Variants in NMT2 observed in about 807,000 individuals in gnomAD.
NMT2 encodes N-myristoyltransferase 2.
In NMT2, 35 loss-of-function variants were observed where a neutral mutation model predicts 65.4. The observed-to-expected ratio is 0.54, with a 90% confidence interval of 0.41 to 0.71. The LOEUF (loss-of-function observed/expected upper bound fraction) is 0.71. Ranked by LOEUF, NMT2 falls within the 30% of genes least tolerant of loss-of-function variation. The probability of loss-of-function intolerance (pLI) is 0.00; values close to 1 mark genes in which losing one functional copy is unlikely to be tolerated. For missense variants in NMT2, 489 were observed against 611.3 expected, an observed-to-expected ratio of 0.80 and a Z score of 2.11; for synonymous variants, 226 against 231.8, an observed-to-expected ratio of 0.98 and a Z score of 0.23.
chr10:15,151,842 T>C (rs145142955), intron 1 of NMT2, among the ~76,000 whole-genome samples: 3,408 of 151,884 alleles, frequency 0.022, 46 homozygotes, highest in Middle Eastern at 0.037. Context: ...CTGGCCAACA[T>C]GGTGAAACCC....
Position 15,133,381 on chromosome 10 carries a change from G to A in NMT2, c.392-18C>T, listed in dbSNP as rs749824117. On this transcript the variant is annotated intron_variant, in intron 3 of 11. Transcript: ENST00000378165. The stretch of plus-strand genomic sequence containing the variant: ...GACTTCATCTGAACAGGGAGAGAAA[G>A]AGAAAAAAGAAAGGCAAAAAGCGAG... 2 of 1,565,176 alleles carry A rather than the reference G, an allele frequency of 1.3e-6. No individual in the cohort carries two copies. Among genetic ancestry groups the A allele is most frequent in the Non-Finnish European group, 1.8e-6 (2 of 1,136,038 alleles).
chr10:15,141,614 A>G, intron 1 of NMT2, 57 bp from the exon 2 acceptor site: 2 of 1,535,140 alleles, frequency 1.3e-6, no homozygotes, highest in African/African-American at 1.4e-5. Context: ...ATTAAATGAA[A>G]TTGAATTGCA....
At chr10:15,145,834 G>T (rs77143051) in intron 1 of NMT2, among the ~76,000 whole-genome samples, 13,389 of 152,222 alleles carry the variant, frequency 0.088, 733 homozygotes, top group Middle Eastern at 0.23. Flanking sequence ...TTAGCCAGGG[G>T]TCTGCGTCCC....
At chr10:15,155,209 G>C (rs761934534) in intron 1 of NMT2, 14 of 1,532,644 alleles carry the variant, frequency 9.1e-6, no homozygotes, top group Middle Eastern at 1.7e-4. Context: ...CCAGTGCTCA[G>C]AGCACGAAAG....
Position 15,109,724 on chromosome 10 carries a change from C to T in NMT2, c.1454G>A (p.Cys485Tyr). 2.5e-6 allele frequency: 4 copies of T among 1,611,492 alleles called. No individual in the cohort carries two copies. Among genetic ancestry groups the T allele is most frequent in the East Asian group, 2.2e-5 (1 of 44,760 alleles). ...NLQYYLYNWR[C>Y]PGTDSEKVGL... is the part of the protein sequence containing the mutation. Reference sequence around the variant, plus strand: ...TACCTTTTCAGAATCTGTACCTGGACACCTCCAATTGTACAGGTAATACTG... The same window carrying T: ...TACCTTTTCAGAATCTGTACCTGGATACCTCCAATTGTACAGGTAATACTG... Residue 485 changes from cysteine (C) to tyrosine (Y), a missense_variant, in exon 11 of 12, where the codon TGT (cysteine) becomes TAT (tyrosine). Coordinates refer to ENST00000378165, the MANE Select transcript of NMT2 (RefSeq NM_004808.3).
chr10:15,163,049 G>A (rs944422502), intron 1 of NMT2, among the ~76,000 whole-genome samples: 4 of 151,876 alleles, frequency 2.6e-5, no homozygotes, highest in Admixed American at 6.6e-5. Context: ...CCAAGTAGCT[G>A]GAACTATACG....
chr10:15,142,438 T>G (rs1846809130), intron 1 of NMT2, among the ~76,000 whole-genome samples: 1 of 152,030 alleles, frequency 6.6e-6, no homozygotes, highest in African/African-American at 2.4e-5. Context: ...GGCACGCACT[T>G]GTAGTCCCAG....
At chr10:15,123,167 T>G (rs148818674) in intron 8 of NMT2, among the ~76,000 whole-genome samples, 5 of 152,122 alleles carry the variant, frequency 3.3e-5, no homozygotes, top group Non-Finnish European at 5.9e-5. Context: ...CACACCAGGA[T>G]GTACCAGCTA....
intron 2 of NMT2, among the ~76,000 whole-genome samples, chr10:15,137,449 G>C (rs978047334): frequency 6.6e-5 from 10 of 151,950 alleles, no homozygotes; most frequent in African/African-American, 1.9e-4. Flanking sequence ...TTATATCTTT[G>C]GATGACTTCT....
At chr10:15,131,325 T>C (rs1412963488) in intron 6 of NMT2, among the ~76,000 whole-genome samples, 5 of 151,786 alleles carry the variant, frequency 3.3e-5, no homozygotes, top group Non-Finnish European at 5.9e-5. Context: ...TTTTTTTTTT[T>C]TCCTTTTTTG....
chr10:15,119,431 T>A lies in NMT2; in HGVS notation c.1082A>T (p.Gln361Leu). The change falls in exon 9 of 12, where the codon CAG (glutamine) becomes CTG (leucine). Residue 361 changes from glutamine to leucine, a missense_variant. Transcript: ENST00000378165. Reference protein sequence around the residue: ...VRELINTYLKQFHLAPVMDEE... With the variant: ...VRELINTYLKLFHLAPVMDEE... The stretch of plus-strand genomic sequence containing the variant: ...ATCCATCACTGGAGCCAGATGAAAC[T>A]GCTTCAGGTAAGTGTTGATTAATTC... 1.2e-6 allele frequency: 2 copies of A among 1,614,078 alleles called. No homozygotes were observed. Among genetic ancestry groups the A allele is most frequent in the East Asian group, 4.5e-5 (2 of 44,878 alleles).
intron 1 of NMT2, among the ~76,000 whole-genome samples, chr10:15,164,540 T>C (rs1833313511): frequency 6.6e-6 from 1 of 152,204 alleles, no homozygotes; most frequent in African/African-American, 2.4e-5. Flanking sequence ...CCAAATGTAT[T>C]TCATAACTGG....
At position 15,135,307 on chromosome 10, in the gene NMT2, G is replaced by T. The variant is rs1275257581; in HGVS notation, c.358C>A (p.Gln120Lys). The T allele has an allele frequency of 6.2e-7, 1 of 1,613,996 alleles. No homozygotes were observed. The highest frequency in any genetic ancestry group is 1.7e-5 in the Admixed American group (1 of 59,996). The change falls in exon 3 of 12, where the codon CAG (glutamine) becomes AAG (lysine). Residue 120 changes from glutamine (Q) to lysine (K), a missense_variant. Gln to Lys is a moderately conservative substitution (Grantham distance 53, BLOSUM62 1). Transcript: ENST00000378165. Reference sequence around the variant, plus strand: ...GGTACCGGTTGTGTGTCCCAAAACTGGTATCTGTGCTTTGCAGCCTCATCA... The same window carrying T: ...GGTACCGGTTGTGTGTCCCAAAACTTGTATCTGTGCTTTGCAGCCTCATCA... ...NIDEAAKHRY[Q>K]FWDTQPVPKL...
chr10:15,128,723 G>A (rs1846178746), intron 7 of NMT2, among the ~76,000 whole-genome samples: 1 of 152,196 alleles, frequency 6.6e-6, no homozygotes, highest in Non-Finnish European at 1.5e-5. Context: ...AATATTAGTT[G>A]GCTGGGCACG....
intron 1 of NMT2, among the ~76,000 whole-genome samples, chr10:15,152,115 A>G (rs1054896864): frequency 6.6e-6 from 1 of 152,238 alleles, no homozygotes; most frequent in Non-Finnish European, 1.5e-5. Flanking sequence ...AGCCTGTGAT[A>G]TGTGTCCAAG....
chr10:15,168,351 G>A, intron 1 of NMT2, 152 bp downstream of exon 1: 1 of 378,080 alleles, frequency 2.6e-6, no homozygotes, highest in Non-Finnish European at 4.7e-6. Context: ...CGCGCGCCCC[G>A]GACCTCACCA....
At chr10:15,154,107 T>G (rs969802766) in intron 1 of NMT2, among the ~76,000 whole-genome samples, 2 of 152,254 alleles carry the variant, frequency 1.3e-5, no homozygotes, top group African/African-American at 2.4e-5. Context: ...ACAGCAGGGC[T>G]GGCTCCCTCT....
intron 1 of NMT2, among the ~76,000 whole-genome samples, chr10:15,161,080 T>G (rs557596184): frequency 3.1e-4 from 1 of 3,250 alleles, no homozygotes; most frequent in Non-Finnish European, 7.0e-4. Flanking sequence ...GCCTCAAAAA[T>G]CAAAAAAAAA....
At chr10:15,138,307 G>A (rs1332869064) in intron 2 of NMT2, 12 of 468,698 alleles carry the variant, frequency 2.6e-5, no homozygotes, top group Admixed American at 9.4e-5. Flanking sequence ...AACCACATAC[G>A]GCTCTATTTA....
Sources: allele counts gnomAD v4.1 joint callset (sites outside exome capture counted in the v4.1 genomes callset), GRCh38; gene constraint gnomAD v4.1.1; transcripts MANE v1.5; gene names NCBI Gene and HGNC (gene_info 2026-07-23, HGNC 2026-07-21).